The following SLC35D2 variants were observed in gnomAD, a reference collection of about 807,000 sequenced individuals.
SLC35D2 encodes nucleotide sugar transporter SLC35D2.
In SLC35D2, 43 loss-of-function variants were observed where a neutral mutation model predicts 41.8. The ratio of observed to expected loss-of-function variants is 1.03; its 90% CI spans 0.81 to 1.33. SLC35D2 has a LOEUF of 1.33. Ranked by LOEUF, SLC35D2 falls within the 40% of genes most tolerant of loss-of-function variation. The pLI, the probability that SLC35D2 is intolerant of heterozygous loss-of-function variation, is 0.00. For synonymous variants in SLC35D2, 150 were observed against 163.9 expected (o/e 0.92, Z 0.65); for missense variants, 380 against 408.4 (o/e 0.93, Z 0.60).
chr9:96,345,372 T>G lies in SLC35D2; in HGVS notation c.518A>C (p.Tyr173Ser), dbSNP rs755225551. The change falls in exon 7 of 12, where the codon TAT becomes TCT. Residue 173 changes from tyrosine to serine, a missense_variant. Transcript: ENST00000253270. ...GATATCATTCAGGAATACAAAAATA[T>G]AGCCTTCTAAGTTAAAAGCAAGGTC... ...GSDLAFNLEGYIFVFLNDIFT... is the reference protein window; with the variant it reads ...GSDLAFNLEGSIFVFLNDIFT... The G allele has an allele frequency of 3.7e-6, 6 of 1,608,252 alleles. No individual in the cohort carries two copies. Among genetic ancestry groups the G allele is most frequent in the Non-Finnish European group, 1.7e-6 (2 of 1,176,126 alleles).
In SLC35D2 at chr9:96,321,157, C is replaced by T; in HGVS notation, c.*85G>A. Reference sequence around the variant, plus strand: ...TGCCCAGGGGGTGGATGTCACGAATCCGAAACCTCTGGCTTCACATTCCTA... The same window carrying T: ...TGCCCAGGGGGTGGATGTCACGAATTCGAAACCTCTGGCTTCACATTCCTA... On this transcript the variant is annotated 3_prime_UTR_variant, in exon 12 of 12. Transcript: ENST00000253270. The T allele has an allele frequency of 1.9e-6, 2 of 1,029,526 alleles. No individual in the cohort carries two copies. Among genetic ancestry groups the T allele is most frequent in the Non-Finnish European group, 1.5e-6 (1 of 670,692 alleles). The allele number at this position is 1,029,526 out of a possible 1,614,324, so 63.8% of individuals were successfully genotyped here. A position where few individuals can be genotyped will look rare whatever the true frequency, so the allele number is the denominator to read the frequency against.
intron 3 of SLC35D2, among the ~76,000 whole-genome samples, chr9:96,361,341 T>A (rs1344588214): frequency 6.6e-6 from 1 of 152,094 alleles, no homozygotes. Flanking sequence ...TAATTCAGGT[T>A]ACATGAGGGC....
intron 8 of SLC35D2, among the ~76,000 whole-genome samples, chr9:96,340,199 A>G (rs1829250105): frequency 6.6e-6 from 1 of 152,254 alleles, no homozygotes. Context: ...GAGCAATGTT[A>G]GTAGTGGAAA....
At chr9:96,371,190 T>C (rs1676792739) in intron 1 of SLC35D2, among the ~76,000 whole-genome samples, 1 of 152,084 alleles carries the variant, frequency 6.6e-6, no homozygotes, top group South Asian at 2.1e-4. Context: ...ATAGGCCAGA[T>C]GCAGTGGCTC....
chr9:96,373,265 C>A (rs570282006), intron 1 of SLC35D2, among the ~76,000 whole-genome samples: 66 of 152,274 alleles, frequency 4.3e-4, no homozygotes, highest in African/African-American at 1.5e-3. Flanking sequence ...CATAAAATGC[C>A]ATACACCCTA....
At chr9:96,373,618 C>G (rs553336365) in intron 1 of SLC35D2, among the ~76,000 whole-genome samples, 1 of 148,908 alleles carries the variant, frequency 6.7e-6, no homozygotes, top group Admixed American at 6.9e-5. Context: ...ACCTGGTAAG[C>G]GGAGGTTGCA....
chr9:96,363,053 G>A lies in SLC35D2; in HGVS notation c.279+1411C>T, dbSNP rs137935184. Among the ~76,000 whole-genome samples the A allele has an allele frequency of 8.8e-3, 1,335 of 152,060 alleles. 18 individuals carry two copies. Among genetic ancestry groups the A allele is most frequent in the Non-Finnish European group, 0.015 (1,037 of 67,978 alleles). ...GGCTAATTTTTTTGTATATTCAGTA[G>A]AGACGGGGTTTCACCATGTTGGCCA... On this transcript the variant is annotated intron_variant, in intron 3 of 11. Coordinates refer to ENST00000253270, the MANE Select transcript of SLC35D2 (RefSeq NM_007001.3).
downstream of SLC35D2, among the ~76,000 whole-genome samples, chr9:96,320,295 C>T (rs1479317099): frequency 1.3e-5 from 2 of 152,182 alleles, no homozygotes; most frequent in Non-Finnish European, 2.9e-5. Flanking sequence ...GGGCAGATCA[C>T]CTGAGGTCAG....
At chr9:96,324,047 ATTCCTTGACTCAGTTGTTCCC>A in intron 10 of SLC35D2, 23 bp downstream of exon 10, 1 of 1,540,786 alleles carries the variant, frequency 6.5e-7, no homozygotes, top group Non-Finnish European at 9.0e-7. Flanking sequence ...TTGGATTTCC[ATTCCTTGACTCAGTTGTTCCC>A]TTCCAAGTTT....
At chr9:96,373,029 G>A (rs67113258) in intron 1 of SLC35D2, among the ~76,000 whole-genome samples, 4,221 of 150,260 alleles carry the variant, frequency 0.028, 73 homozygotes, top group Middle Eastern at 0.06. Flanking sequence ...CCTTCCGAAT[G>A]TCTGGGATTA....
At chr9:96,316,386 A>G (rs1185757635), downstream of SLC35D2, among the ~76,000 whole-genome samples, 1 of 152,066 alleles carries the variant, frequency 6.6e-6, no homozygotes, top group African/African-American at 2.4e-5. Flanking sequence ...CTGTAATCCC[A>G]GCTACTCAGG....
intron 1 of SLC35D2, among the ~76,000 whole-genome samples, chr9:96,375,791 G>A (rs754606206): frequency 2.6e-5 from 4 of 152,096 alleles, no homozygotes; most frequent in Non-Finnish European, 5.9e-5. Flanking sequence ...GCCAAGGCAG[G>A]TGGATCACTT....
Position 96,373,707 on chromosome 9 carries a change from T to C in SLC35D2, c.159-5402A>G, listed in dbSNP as rs149079588. On this transcript the variant is annotated intron_variant, in intron 1 of 11. Transcript: ENST00000253270. ...TCTCAAAAAAAAAAAAAAAAACAATTTGAGCTTCTCTTTTGTTCTCCTGAG... is the reference window on the plus strand; with the variant it reads ...TCTCAAAAAAAAAAAAAAAAACAATCTGAGCTTCTCTTTTGTTCTCCTGAG... Among the ~76,000 whole-genome samples, 687 of 151,662 alleles carry C rather than the reference T, an allele frequency of 4.5e-3. 9 individuals carry two copies. The highest frequency in any genetic ancestry group is 0.016 in the African/African-American group (665 of 41,374).
intron 5 of SLC35D2, 141 bp downstream of exon 5, chr9:96,351,897 A>G: frequency 2.0e-6 from 1 of 502,902 alleles, no homozygotes. Flanking sequence ...AGGGAATCAC[A>G]GAAGCACAAA....
At chr9:96,354,765 T>TAAAAAA (rs1340837715) in intron 4 of SLC35D2, among the ~76,000 whole-genome samples, 1 of 7,656 alleles carries the variant, frequency 1.3e-4, no homozygotes, top group Non-Finnish European at 2.3e-4. Context: ...AGACTCCATC[T>TAAAAAA]CAAAAAAAAA....
intron 3 of SLC35D2, among the ~76,000 whole-genome samples, chr9:96,363,236 G>T (rs1176565700): frequency 6.6e-6 from 1 of 150,806 alleles, no homozygotes; most frequent in Admixed American, 6.6e-5. Flanking sequence ...CCTGGCCTCA[G>T]ACGATCCTCC....
intron 6 of SLC35D2, among the ~76,000 whole-genome samples, chr9:96,345,701 G>A (rs1829544376): frequency 6.6e-6 from 1 of 152,162 alleles, no homozygotes; most frequent in South Asian, 2.1e-4. Flanking sequence ...GGTGAGCCCT[G>A]ACTTTCCTAA....
chr9:96,359,122 G>A lies in SLC35D2; in HGVS notation c.347+1032C>T, dbSNP rs1830159428. ...GATGGAGACCATCCTGGCTAACACG[G>A]TGAAACCCCGTCCCTACTAAAAATA... On this transcript the variant is annotated intron_variant, in intron 4 of 11. Coordinates refer to ENST00000253270, the MANE Select transcript of SLC35D2 (RefSeq NM_007001.3). 1.3e-5 allele frequency among the ~76,000 whole-genome samples: 2 copies of A among 151,836 alleles called. 1 individual carries two copies. The highest frequency in any genetic ancestry group is 2.9e-5 in the Non-Finnish European group (2 of 67,952).
chr9:96,345,846 A>G (rs1053120388), intron 6 of SLC35D2, among the ~76,000 whole-genome samples: 7 of 152,198 alleles, frequency 4.6e-5, no homozygotes, highest in Admixed American at 2.0e-4. Flanking sequence ...CCACACCTCC[A>G]TCTGGTGCCC....
Sources: gnomAD v4.1 joint callset for allele counts (sites outside exome capture counted in the v4.1 genomes callset) on GRCh38, gnomAD v4.1.1 for gene constraint, MANE v1.5 for transcripts, NCBI Gene and HGNC (gene_info 2026-07-23, HGNC 2026-07-21) for gene names.